RAD51B: variants seen among roughly 807,000 people sequenced by gnomAD.
RAD51B encodes DNA repair protein RAD51 homolog 2.
Under a neutral mutation model 42.2 loss-of-function variants are expected in RAD51B, and 38 were observed. The observed-to-expected ratio is 0.90, with a 90% CI of 0.70 to 1.18. The LOEUF (loss-of-function observed/expected upper bound fraction) is 1.18, where lower values mean the gene tolerates loss of function less well. RAD51B is among the 50% of genes most tolerant of loss of function. The pLI is 0.00. For missense variants in RAD51B, 373 were observed against 400.7 expected, an observed-to-expected ratio of 0.93 and a Z score of 0.59; for synonymous variants, 154 against 145.2, an observed-to-expected ratio of 1.06 and a Z score of -0.43.
intron 4 of RAD51B, among the ~76,000 whole-genome samples, chr14:67,855,584 A>G (rs181959505): frequency 3.1e-4 from 47 of 152,270 alleles, no homozygotes; most frequent in East Asian, 1.2e-3. Context: ...TGTGGCCTAC[A>G]TGATCACAGG....
At chr14:68,237,263 T>C (rs2080279649) in intron 7 of RAD51B, among the ~76,000 whole-genome samples, 2 of 152,212 alleles carry the variant, frequency 1.3e-5, no homozygotes, top group Admixed American at 1.3e-4. Flanking sequence ...CATAAGCACA[T>C]TGAGAAACTA....
intron 10 of RAD51B, among the ~76,000 whole-genome samples, chr14:68,547,527 C>A (rs1379291816): frequency 1.3e-5 from 2 of 152,176 alleles, no homozygotes; most frequent in Non-Finnish European, 2.9e-5. Context: ...CCCGCTCACT[C>A]CTCAGCACCC....
At chr14:67,888,152 T>C (rs763671895) in intron 7 of RAD51B, among the ~76,000 whole-genome samples, 3 of 152,188 alleles carry the variant, frequency 2.0e-5, no homozygotes, top group Non-Finnish European at 2.9e-5. Context: ...GGAGAAAATA[T>C]GACATTCAAA....
At chr14:68,219,807 T>A (rs1185449445) in intron 7 of RAD51B, among the ~76,000 whole-genome samples, 1 of 152,154 alleles carries the variant, frequency 6.6e-6, no homozygotes, top group East Asian at 1.9e-4. Flanking sequence ...TCATACTGGC[T>A]CACCAGCAAT....
chr14:68,230,381 A>G (rs761324936), intron 7 of RAD51B, among the ~76,000 whole-genome samples: 17 of 152,200 alleles, frequency 1.1e-4, no homozygotes, highest in Admixed American at 3.3e-4. Context: ...CACCACTGGA[A>G]TGAGTTCACT....
At chr14:67,963,916 A>T (rs2074717596) in intron 7 of RAD51B, among the ~76,000 whole-genome samples, 1 of 151,966 alleles carries the variant, frequency 6.6e-6, no homozygotes, top group Non-Finnish European at 1.5e-5. Flanking sequence ...TTTTAAAGTG[A>T]AAGGGACTTT....
chr14:67,975,905 C>G (rs1490406760), intron 7 of RAD51B, among the ~76,000 whole-genome samples: 1 of 152,144 alleles, frequency 6.6e-6, no homozygotes, highest in Non-Finnish European at 1.5e-5. Flanking sequence ...TATCCCCATC[C>G]CTAATATCAT....
At chr14:68,661,924 C>T (rs1307141052) in intron 11 of RAD51B, among the ~76,000 whole-genome samples, 1 of 152,240 alleles carries the variant, frequency 6.6e-6, no homozygotes, top group African/African-American at 2.4e-5. Context: ...GACTACCTTC[C>T]AGACACTTGA....
rs1443686150 is a variant in RAD51B, at chr14:67,829,524, GAGCCACTGTGCCCGGCCC to G, written c.198+3950_198+3967del. On this transcript the variant is annotated intron_variant, in intron 3 of 10. Coordinates refer to ENST00000471583, the MANE Select transcript of RAD51B (RefSeq NM_133510.4). ...CCCAAAGTGCTGGGATTACAGGCGTGAGCCACTGTGCCCGGCCCAGTATTTTATTTTCTTTGTAGCAAT... is the reference window on the plus strand; with the variant it reads ...CCCAAAGTGCTGGGATTACAGGCGTGAGTATTTTATTTTCTTTGTAGCAAT... 1.4e-4 allele frequency among the ~76,000 whole-genome samples: 21 copies of G among 152,264 alleles called. No homozygotes were observed. In the East Asian group the frequency reaches 2.7e-3, roughly 20 times the overall value.
At chr14:68,520,686 A>G (rs1042712945) in intron 10 of RAD51B, among the ~76,000 whole-genome samples, 3 of 152,164 alleles carry the variant, frequency 2.0e-5, no homozygotes, top group Admixed American at 6.5e-5. Context: ...CTTTAATACT[A>G]TCCATTCAAC....
Position 68,019,233 on chromosome 14 carries a change from G to T in RAD51B, c.756+132029G>T, listed in dbSNP as rs549028795. Among the ~76,000 whole-genome samples the T allele has an allele frequency of 1.7e-4, 26 of 152,200 alleles. No homozygotes were observed. The South Asian group carries it at 4.1e-3, about 24-fold the overall frequency. Reference sequence around the variant, plus strand: ...AGGAAACTGAAAAGGTGAAATAGACGGGAACAAAACCTACAGAGTACCGCT... The same window carrying T: ...AGGAAACTGAAAAGGTGAAATAGACTGGAACAAAACCTACAGAGTACCGCT... On this transcript the variant is annotated intron_variant, in intron 7 of 10. Coordinates refer to ENST00000471583, the MANE Select transcript of RAD51B (RefSeq NM_133510.4).
At chr14:68,154,638 C>A (rs992894113) in intron 7 of RAD51B, among the ~76,000 whole-genome samples, 1 of 151,984 alleles carries the variant, frequency 6.6e-6, no homozygotes, top group Non-Finnish European at 1.5e-5. Context: ...CCTCTTCATG[C>A]AACACAACCT....
chr14:68,614,794 G>T (rs1401658038), downstream of RAD51B, among the ~76,000 whole-genome samples: 4 of 152,174 alleles, frequency 2.6e-5, no homozygotes, highest in African/African-American at 9.7e-5. Flanking sequence ...TCCACTTTCT[G>T]GCTAAAATGA....
intron 7 of RAD51B, among the ~76,000 whole-genome samples, chr14:68,130,576 A>T (rs940412597): frequency 6.6e-6 from 1 of 152,236 alleles, no homozygotes; most frequent in Non-Finnish European, 1.5e-5. Context: ...AAAATTAAAG[A>T]TCTCAGAAAT....
At chr14:68,434,443 G>T (rs1208329164) in intron 9 of RAD51B, among the ~76,000 whole-genome samples, 1 of 152,196 alleles carries the variant, frequency 6.6e-6, no homozygotes, top group Non-Finnish European at 1.5e-5. Context: ...CTCAGCAATG[G>T]CAGGTGCCTC....
At chr14:67,991,125 C>CT (rs967094970) in intron 7 of RAD51B, among the ~76,000 whole-genome samples, 116 of 152,196 alleles carry the variant, frequency 7.6e-4, no homozygotes, top group African/African-American at 2.6e-3. Context: ...CATTTTTGGT[C>CT]TTTTTTTCCC....
intron 7 of RAD51B, among the ~76,000 whole-genome samples, chr14:68,093,406 A>G (rs913345180): frequency 6.6e-5 from 10 of 152,160 alleles, no homozygotes; most frequent in Non-Finnish European, 1.0e-4. Flanking sequence ...CAGAGATTCA[A>G]CTTCTTCCTG....
intron 8 of RAD51B, among the ~76,000 whole-genome samples, chr14:68,312,945 C>A (rs2081990959): frequency 6.6e-6 from 1 of 152,084 alleles, no homozygotes; most frequent in Non-Finnish European, 1.5e-5. Flanking sequence ...CAGAAAAAGC[C>A]CTTGGTTGGG....
At chr14:68,139,957 A>C (rs2078093130) in intron 7 of RAD51B, among the ~76,000 whole-genome samples, 1 of 152,152 alleles carries the variant, frequency 6.6e-6, no homozygotes. Flanking sequence ...AAGCAGCCAC[A>C]CAGTAATGTC....
Sources: gnomAD v4.1 joint callset for allele counts (sites outside exome capture counted in the v4.1 genomes callset) on GRCh38, gnomAD v4.1.1 for gene constraint, MANE v1.5 for transcripts, NCBI Gene and HGNC (gene_info 2026-07-23, HGNC 2026-07-21) for gene names.